Variants in PHLPP1 observed in about 807,000 individuals in gnomAD.
PHLPP1 encodes the protein PH domain and leucine rich repeat protein phosphatase 1, also known as PH domain leucine-rich repeat-containing protein phosphatase 1.
Under a neutral mutation model 117.2 loss-of-function variants are expected in PHLPP1, and 42 were observed. That is an observed-to-expected ratio of 0.36 (90% CI 0.28 to 0.46). The LOEUF (loss-of-function observed/expected upper bound fraction) is 0.46, where lower values mean the gene tolerates loss of function less well. PHLPP1 is among the 20% of genes least tolerant of loss of function. The probability of loss-of-function intolerance (pLI) is 1.00; values close to 1 mark genes in which losing one functional copy is unlikely to be tolerated. For missense variants in PHLPP1, 2,084 were observed against 2,241.9 expected (o/e 0.93, Z 1.42); for synonymous variants, 1,042 against 970.7 (o/e 1.07, Z -1.37).
At chr18:62,875,542 A>G (rs559505819) in intron 4 of PHLPP1, among the ~76,000 whole-genome samples, 1 of 152,188 alleles carries the variant, frequency 6.6e-6, no homozygotes, top group Non-Finnish European at 1.5e-5. Flanking sequence ...CTGAGAGGGC[A>G]GGAATCAAGT....
chr18:62,823,592 T>TATCTACATAAATA (rs138638339), intron 1 of PHLPP1, among the ~76,000 whole-genome samples: 1 of 147,254 alleles, frequency 6.8e-6, no homozygotes, highest in African/African-American at 2.5e-5. Context: ...TCTACATATA[T>TATCTACATAAATA]TATATATCTA....
At chr18:62,953,356 A>G (rs543553419) in intron 12 of PHLPP1, among the ~76,000 whole-genome samples, 1 of 152,248 alleles carries the variant, frequency 6.6e-6, no homozygotes, top group East Asian at 1.9e-4. Context: ...GATATGCCAC[A>G]CAAACGTTAT....
chr18:62,842,417 G>A (rs767686007), intron 3 of PHLPP1, among the ~76,000 whole-genome samples: 6 of 151,918 alleles, frequency 3.9e-5, no homozygotes, highest in Middle Eastern at 3.4e-3. Flanking sequence ...AGCCTGGAGT[G>A]CAGTAGTGTG....
chr18:62,831,206 G>C (rs988717938), intron 2 of PHLPP1, among the ~76,000 whole-genome samples: 10 of 152,050 alleles, frequency 6.6e-5, no homozygotes, highest in Non-Finnish European at 1.5e-5. Context: ...CCAAGCATTG[G>C]TAAGGGTAGC....
At chr18:62,903,879 T>C (rs950258750) in intron 7 of PHLPP1, among the ~76,000 whole-genome samples, 1 of 152,178 alleles carries the variant, frequency 6.6e-6, no homozygotes, top group Non-Finnish European at 1.5e-5. Flanking sequence ...ATAATATTTC[T>C]TCCTAAGAAT....
At chr18:62,816,493 G>A (rs1264730852) in intron 1 of PHLPP1, among the ~76,000 whole-genome samples, 1 of 152,132 alleles carries the variant, frequency 6.6e-6, no homozygotes, top group African/African-American at 2.4e-5. Context: ...CTTGAACCTG[G>A]GAGGCGGAGG....
At chr18:62,742,275 T>C (rs892913853) in intron 1 of PHLPP1, among the ~76,000 whole-genome samples, 2 of 152,242 alleles carry the variant, frequency 1.3e-5, no homozygotes, top group African/African-American at 4.8e-5. Context: ...CTGTTCTTCC[T>C]ATGTACATGA....
intron 1 of PHLPP1, among the ~76,000 whole-genome samples, chr18:62,738,695 A>G (rs1240161630): frequency 6.6e-6 from 1 of 152,210 alleles, no homozygotes; most frequent in Non-Finnish European, 1.5e-5. Context: ...GTAAGAGATT[A>G]ACAACAATAA....
intron 10 of PHLPP1, among the ~76,000 whole-genome samples, chr18:62,920,557 T>G (rs1474521006): frequency 1.3e-5 from 2 of 152,134 alleles, no homozygotes; most frequent in East Asian, 1.9e-4. Context: ...GTTGGTGGTG[T>G]TTTTTGTTTT....
chr18:62,807,088 C>CTT (rs1407071639), intron 1 of PHLPP1, among the ~76,000 whole-genome samples: 1 of 151,552 alleles, frequency 6.6e-6, no homozygotes, highest in East Asian at 1.9e-4. Context: ...TTTTTCAAGT[C>CTT]TTTTGGCATT....
intron 3 of PHLPP1, among the ~76,000 whole-genome samples, chr18:62,852,737 G>T (rs1279854711): frequency 6.6e-6 from 1 of 152,124 alleles, no homozygotes; most frequent in Non-Finnish European, 1.5e-5. Context: ...GGTTAATTTT[G>T]AGCATGCCAT....
intron 1 of PHLPP1, among the ~76,000 whole-genome samples, chr18:62,783,418 C>T (rs200266983): frequency 2.6e-5 from 4 of 151,952 alleles, no homozygotes; most frequent in East Asian, 1.9e-4. Flanking sequence ...TCAGTAGAGA[C>T]GGGGTTTCAC....
intron 1 of PHLPP1, chr18:62,826,244 C>G: frequency 2.4e-6 from 1 of 423,430 alleles, no homozygotes. Flanking sequence ...AGCTTACTTA[C>G]GGAGATGACA....
intron 13 of PHLPP1, among the ~76,000 whole-genome samples, chr18:62,959,183 A>G (rs1040025296): frequency 1.3e-5 from 2 of 152,212 alleles, no homozygotes; most frequent in African/African-American, 2.4e-5. Flanking sequence ...TTTTCTATGT[A>G]AAACCTTAAA....
At chr18:62,828,155 ATTATTC>A (rs1348545924) in intron 1 of PHLPP1, among the ~76,000 whole-genome samples, 1 of 151,624 alleles carries the variant, frequency 6.6e-6, no homozygotes, top group Non-Finnish European at 1.5e-5. Flanking sequence ...TTTCATTTTT[ATTATTC>A]TTTGTCTTTT....
intron 1 of PHLPP1, among the ~76,000 whole-genome samples, chr18:62,768,614 G>C (rs948368709): frequency 3.3e-5 from 5 of 152,172 alleles, no homozygotes; most frequent in Admixed American, 2.6e-4. Context: ...ACCTTACCCA[G>C]ATCAAATTTT....
intron 14 of PHLPP1, among the ~76,000 whole-genome samples, chr18:62,968,379 G>C (rs1261240993): frequency 6.6e-6 from 1 of 151,430 alleles, no homozygotes; most frequent in African/African-American, 2.4e-5. Context: ...ATCTGTTCTG[G>C]GTTTTTTTTA....
intron 1 of PHLPP1, among the ~76,000 whole-genome samples, chr18:62,819,500 A>C (rs1213371236): frequency 1.3e-5 from 2 of 152,224 alleles, no homozygotes; most frequent in African/African-American, 2.4e-5. Flanking sequence ...AACAAAGAAT[A>C]ATATGGTCAA....
chr18:62,870,204 C>T (rs1438144176), intron 4 of PHLPP1, among the ~76,000 whole-genome samples: 2 of 152,102 alleles, frequency 1.3e-5, no homozygotes, highest in Admixed American at 1.3e-4. Flanking sequence ...CCACCAGTTT[C>T]TCTTTCATTA....
Sources: gnomAD v4.1 joint callset for allele counts (sites outside exome capture counted in the v4.1 genomes callset) on GRCh38, gnomAD v4.1.1 for gene constraint, MANE v1.5 for transcripts, NCBI Gene and HGNC (gene_info 2026-07-23, HGNC 2026-07-21) for gene names.